N4BP2: variants seen among roughly 807,000 people sequenced by gnomAD.
N4BP2 encodes the protein NEDD4-binding protein 2.
In N4BP2, 91 loss-of-function variants were observed where a neutral mutation model predicts 152.8. That is an observed-to-expected ratio of 0.60 (90% confidence interval 0.50 to 0.71). The LOEUF is 0.71. Among genes scored for constraint, N4BP2 ranks in the 30% least tolerant of loss-of-function variants. The probability of loss-of-function intolerance (pLI) is 0.00; values close to 1 mark genes in which losing one functional copy is unlikely to be tolerated. For synonymous variants in N4BP2, 646 were observed against 705.3 expected (o/e 0.92, Z 1.33); for missense variants, 1,923 against 2,059.1 (o/e 0.93, Z 1.28).
Position 40,120,037 on chromosome 4 carries a change from A to C in N4BP2, c.1926A>C (p.Lys642Asn). Residue 642 changes from lysine (K) to asparagine (N), a missense_variant, in exon 9 of 18, where the codon AAA becomes AAC. Physicochemically the swap from Lys to Asn is moderately conservative, Grantham distance 94 (BLOSUM62 0). Coordinates refer to ENST00000261435, the MANE Select transcript of N4BP2 (RefSeq NM_018177.6). ...FTEEKNLDVT[K>N]ETMLPENVAY... ...AAGAGAAGAATCTTGATGTAACCAA[A>C]GAAACAATGTTACCTGAGAATGTTG... The C allele has an allele frequency of 6.2e-7, 1 of 1,604,950 alleles. No individual in the cohort carries two copies. Among genetic ancestry groups the C allele is most frequent in the Non-Finnish European group, 8.5e-7 (1 of 1,172,472 alleles).
At chr4:40,065,968 G>A (rs541965251) in intron 1 of N4BP2, among the ~76,000 whole-genome samples, 1 of 151,616 alleles carries the variant, frequency 6.6e-6, no homozygotes, top group Non-Finnish European at 1.5e-5. Flanking sequence ...GTCTAGATCT[G>A]TCGACAGGCT....
At chr4:40,178,006 A>C in the N4BP2 span, among the ~76,000 whole-genome samples, 1 of 152,124 alleles carries the variant, frequency 6.6e-6, no homozygotes, top group African/African-American at 2.4e-5. Context: ...AAACAAAAAC[A>C]AAAAAACAGT....
intron 2 of N4BP2, among the ~76,000 whole-genome samples, chr4:40,083,423 AAACAACCC>A (rs1648808619): frequency 6.6e-6 from 1 of 152,244 alleles, no homozygotes; most frequent in African/African-American, 2.4e-5. Context: ...CAAAAAGTAG[AAACAACCC>A]AAATGTCCAT....
At chr4:40,078,459 G>T (rs1377980487) in intron 2 of N4BP2, among the ~76,000 whole-genome samples, 1 of 151,234 alleles carries the variant, frequency 6.6e-6, no homozygotes, top group Non-Finnish European at 1.5e-5. Flanking sequence ...ATATTTAATG[G>T]TTTTTTTAAG....
chr4:40,118,526 A>T (rs1215443332), intron 8 of N4BP2, among the ~76,000 whole-genome samples: 1 of 152,192 alleles, frequency 6.6e-6, no homozygotes, highest in African/African-American at 2.4e-5. Flanking sequence ...TTATCAAGAG[A>T]AGTACAAGTT....
At position 40,118,036 on chromosome 4, in the gene N4BP2, T is replaced by C; in HGVS notation, c.1820+12T>C. On this transcript the variant is annotated intron_variant, in intron 8 of 17. Transcript: ENST00000261435. ...GATAGAAGCACTAGGTAGGTTAAAA[T>C]GCCTTATGTACAAAATTCAATTTGA... 1 of 1,531,544 alleles carries C rather than the reference T, an allele frequency of 6.5e-7. No individual in the cohort carries two copies. Among genetic ancestry groups the C allele is most frequent in the Non-Finnish European group, 8.8e-7 (1 of 1,138,718 alleles). 94.9% of individuals were successfully genotyped at this position (1,531,544 alleles called of 1,614,324 possible).
At chr4:40,158,282 G>A (rs942467370), downstream of N4BP2, 40 of 152,164 alleles carry the variant, frequency 2.6e-4, no homozygotes, top group African/African-American at 9.2e-4. Context: ...TTCATTTGAT[G>A]TATTAGAGTT....
intron 4 of N4BP2, among the ~76,000 whole-genome samples, chr4:40,103,753 A>T (rs1433715830): frequency 6.6e-6 from 1 of 152,134 alleles, no homozygotes; most frequent in Admixed American, 6.5e-5. Flanking sequence ...ACCATCAGTT[A>T]TTTGATCTCA....
chr4:40,173,574 T>C, the N4BP2 span, among the ~76,000 whole-genome samples: 1 of 152,102 alleles, frequency 6.6e-6, no homozygotes, highest in Non-Finnish European at 1.5e-5. Context: ...CAGATGGAGG[T>C]GAAGGGAAAT....
chr4:40,079,580 T>C (rs1044919650), intron 2 of N4BP2, among the ~76,000 whole-genome samples: 1 of 152,188 alleles, frequency 6.6e-6, no homozygotes, highest in African/African-American at 2.4e-5. Context: ...TATTTGTAGA[T>C]TTCATGTTAA....
rs751675757 is a variant in N4BP2 at position 40,124,214 on chromosome 4, C to A, written c.4330+9C>A. On this transcript the variant is annotated intron_variant, in intron 11 of 17. Transcript: ENST00000261435. ...TGGCAAGTTTATGCAAGGTAAAGCA[C>A]ATGTTTTTATTTCTAATGTCTTAAT... 2 of 1,594,258 alleles carry A rather than the reference C, an allele frequency of 1.3e-6. No individual in the cohort carries two copies. The highest frequency in any genetic ancestry group is 2.3e-5 in the South Asian group (2 of 88,624).
chr4:40,088,670 T>C (rs552066449), intron 2 of N4BP2, among the ~76,000 whole-genome samples: 15 of 152,176 alleles, frequency 9.9e-5, no homozygotes, highest in South Asian at 4.1e-4. Flanking sequence ...CTGGCTAATT[T>C]TGTATTTTTA....
At chr4:40,129,690 C>G (rs916177557) in intron 12 of N4BP2, among the ~76,000 whole-genome samples, 29 of 151,922 alleles carry the variant, frequency 1.9e-4, no homozygotes, top group Non-Finnish European at 4.4e-5. Flanking sequence ...AGGCTGGTCT[C>G]GAACTCCTGG....
chr4:40,160,793 AAGTG>A (rs1464793000), downstream of N4BP2, among the ~76,000 whole-genome samples: 1 of 152,210 alleles, frequency 6.6e-6, no homozygotes, highest in African/African-American at 2.4e-5. Context: ...TCAGAAATCT[AAGTG>A]AGAATATTAG....
At chr4:40,060,667 A>T (rs1369716868) in intron 1 of N4BP2, among the ~76,000 whole-genome samples, 7 of 147,550 alleles carry the variant, frequency 4.7e-5, no homozygotes, top group East Asian at 2.0e-4. Flanking sequence ...CAGTGGCATG[A>T]TTATAGCTCA....
In N4BP2 at chr4:40,144,698, G is replaced by A. The variant is rs770184106; in HGVS notation, c.5041G>A (p.Val1681Ile). 6 of 1,614,082 alleles carry A rather than the reference G, an allele frequency of 3.7e-6. No homozygotes were observed. The highest frequency in any genetic ancestry group is 1.3e-5 in the African/African-American group (1 of 75,050). Residue 1681 changes from valine to isoleucine, a missense_variant, in exon 16 of 18, where the codon GTC (valine) becomes ATC (isoleucine). Transcript: ENST00000261435. ...TGCTGCCATAGAGATCTTTGAGAAA[G>A]TCAATGCTTCGCTGCTGCCACAGAA... ...HLAAIEIFEK[V>I]NASLLPQNVL...
Position 40,097,537 on chromosome 4 carries a change from T to C in N4BP2, c.197T>C (p.Val66Ala), listed in dbSNP as rs1715211253. The C allele has an allele frequency of 1.2e-6, 2 of 1,613,084 alleles. No homozygotes were observed. The highest frequency in any genetic ancestry group is 1.7e-6 in the Non-Finnish European group (2 of 1,179,114). The change falls in exon 3 of 18, where the codon GTG (valine) becomes GCG (alanine). Residue 66 changes from valine to alanine, a missense_variant. Transcript: ENST00000261435. ...EIFSDLDPDVVYLMLSECDFK... is the reference protein window; with the variant it reads ...EIFSDLDPDVAYLMLSECDFK... ...TTTTCTGATCTGGATCCTGATGTAG[T>C]GTATTTGATGCTTTCTGAATGTGAT...
chr4:40,181,776 C>T, the N4BP2 span, among the ~76,000 whole-genome samples: 18 of 152,220 alleles, frequency 1.2e-4, no homozygotes, highest in South Asian at 2.1e-4. Flanking sequence ...GGTGAAACCC[C>T]GTCTCTACTA....
chr4:40,167,882 C>T, the N4BP2 span: 1 of 151,970 alleles, frequency 6.6e-6, no homozygotes, highest in Non-Finnish European at 1.5e-5. Context: ...TTTTTCTCAG[C>T]AAAACCTAAG....
Sources: gnomAD v4.1 joint callset for allele counts (sites outside exome capture counted in the v4.1 genomes callset) on GRCh38, gnomAD v4.1.1 for gene constraint, MANE v1.5 for transcripts, NCBI Gene and HGNC (gene_info 2026-07-23, HGNC 2026-07-21) for gene names.